The following FGD4 variants were observed in gnomAD, a reference collection of about 807,000 sequenced individuals.
FGD4 encodes the protein FYVE, RhoGEF and PH domain-containing protein 4.
In FGD4, 42 loss-of-function variants were observed where a neutral mutation model predicts 102.0. The observed-to-expected ratio is 0.41, with a 90% confidence interval of 0.32 to 0.53. The LOEUF (loss-of-function observed/expected upper bound fraction) is 0.53. Among genes scored for constraint, FGD4 ranks in the 20% least tolerant of loss-of-function variants. The probability of loss-of-function intolerance (pLI) is 0.21; values close to 1 mark genes in which losing one functional copy is unlikely to be tolerated. For missense variants in FGD4, 902 were observed against 1,078.2 expected, an observed-to-expected ratio of 0.84 and a Z score of 2.29; for synonymous variants, 380 against 375.7, an observed-to-expected ratio of 1.01 and a Z score of -0.13.
chr12:32,429,411 AG>A (rs1024346668), intron 1 of FGD4, among the ~76,000 whole-genome samples: 20 of 152,190 alleles, frequency 1.3e-4, no homozygotes, highest in African/African-American at 4.6e-4. Flanking sequence ...TTCGTCCCAG[AG>A]GGGCACCCTC....
At chr12:32,482,500 CA>C (rs1230342467) in intron 1 of FGD4, among the ~76,000 whole-genome samples, 1 of 152,190 alleles carries the variant, frequency 6.6e-6, no homozygotes, top group Non-Finnish European at 1.5e-5. Context: ...CTCATTTGTA[CA>C]GCGAATAAGC....
At chr12:32,619,993 A>T in intron 11 of FGD4, 123 bp downstream of exon 11, 1 of 1,163,160 alleles carries the variant, frequency 8.6e-7, no homozygotes, top group Non-Finnish European at 1.3e-6. Flanking sequence ...CTCTGGTTGG[A>T]TGTAAATGCA....
chr12:32,603,408 G>A (rs1442659627), intron 7 of FGD4, among the ~76,000 whole-genome samples: 4 of 151,342 alleles, frequency 2.6e-5, no homozygotes, highest in Non-Finnish European at 4.4e-5. Context: ...TTTTGGAGAC[G>A]GAGTCTCGCT....
chr12:32,586,428 C>T (rs1000283691), intron 4 of FGD4, among the ~76,000 whole-genome samples: 2 of 152,128 alleles, frequency 1.3e-5, no homozygotes, highest in Non-Finnish European at 2.9e-5. Flanking sequence ...CATACTTGAT[C>T]GCATAATGTA....
At chr12:32,491,232 T>G (rs1422360854) in intron 1 of FGD4, among the ~76,000 whole-genome samples, 1 of 151,830 alleles carries the variant, frequency 6.6e-6, no homozygotes, top group Non-Finnish European at 1.5e-5. Flanking sequence ...GCTTCCACCT[T>G]AAGGAAACAA....
intron 1 of FGD4, among the ~76,000 whole-genome samples, chr12:32,485,436 AT>A (rs372655892): frequency 0.06 from 6,841 of 113,968 alleles, 148 homozygotes; most frequent in Non-Finnish European, 0.085. Context: ...TTTAAGACCA[AT>A]TTTTTTTTTT....
At chr12:32,622,177 G>A (rs1476817082) in intron 11 of FGD4, among the ~76,000 whole-genome samples, 3 of 152,072 alleles carry the variant, frequency 2.0e-5, no homozygotes, top group Non-Finnish European at 4.4e-5. Context: ...GAGCCACTGC[G>A]TCCAGCCTCA....
intron 1 of FGD4, among the ~76,000 whole-genome samples, chr12:32,440,414 C>T (rs977181765): frequency 2.0e-4 from 31 of 152,336 alleles, no homozygotes; most frequent in African/African-American, 5.8e-4. Context: ...TATAATGCCA[C>T]CTTGACGATC....
intron 1 of FGD4, among the ~76,000 whole-genome samples, chr12:32,459,846 A>G (rs917439529): frequency 5.9e-5 from 9 of 151,962 alleles, no homozygotes; most frequent in African/African-American, 1.9e-4. Flanking sequence ...CTACAGGCAT[A>G]CGGCACTGCA....
intron 1 of FGD4, among the ~76,000 whole-genome samples, chr12:32,482,206 A>G (rs1211559923): frequency 5.9e-5 from 9 of 152,378 alleles, no homozygotes; most frequent in Admixed American, 3.3e-4. Flanking sequence ...AATAGGAATA[A>G]GGTGTTTTTC....
intron 1 of FGD4, among the ~76,000 whole-genome samples, chr12:32,519,398 C>T (rs1374941079): frequency 6.6e-6 from 1 of 152,182 alleles, no homozygotes. Context: ...AATTTTATCA[C>T]TACAATGGAT....
chr12:32,583,651 A>G (rs1448731745), intron 4 of FGD4, among the ~76,000 whole-genome samples: 1 of 152,244 alleles, frequency 6.6e-6, no homozygotes, highest in East Asian at 1.9e-4. Context: ...GTTTCTGCTC[A>G]TATGCACAAT....
At chr12:32,567,703 TGA>T (rs1555205539) in intron 2 of FGD4, among the ~76,000 whole-genome samples, 68 of 150,350 alleles carry the variant, frequency 4.5e-4, no homozygotes, top group African/African-American at 1.3e-3. Context: ...TTTTTTTTTT[TGA>T]GAGAGAGGGT....
intron 2 of FGD4, among the ~76,000 whole-genome samples, chr12:32,575,526 C>T (rs1377920608): frequency 6.6e-6 from 1 of 152,104 alleles, no homozygotes; most frequent in Non-Finnish European, 1.5e-5. Context: ...TGACTCAAAC[C>T]CCTCCTATAG....
intron 1 of FGD4, among the ~76,000 whole-genome samples, chr12:32,412,438 G>GT (rs1328547522): frequency 6.6e-6 from 1 of 152,162 alleles, no homozygotes; most frequent in Non-Finnish European, 1.5e-5. Context: ...TCAGGAGGCT[G>GT]TGTTTTGGGG....
chr12:32,421,459 A>AG (rs1223782868), intron 1 of FGD4, among the ~76,000 whole-genome samples: 1 of 152,116 alleles, frequency 6.6e-6, no homozygotes, highest in East Asian at 1.9e-4. Flanking sequence ...TTATTTCAAG[A>AG]GCATGCTGGT....
intron 4 of FGD4, among the ~76,000 whole-genome samples, chr12:32,591,903 C>T (rs1302679639): frequency 2.6e-5 from 4 of 152,106 alleles, no homozygotes; most frequent in African/African-American, 9.7e-5. Flanking sequence ...AAGTGCATTA[C>T]ACAGAAAGAG....
chr12:32,596,830 G>A (rs1220865311), intron 4 of FGD4, among the ~76,000 whole-genome samples: 7 of 151,988 alleles, frequency 4.6e-5, no homozygotes, highest in African/African-American at 1.4e-4. Context: ...AGCTACTCGG[G>A]AGACTGAGGC....
At chr12:32,504,104 G>C (rs181145244) in intron 1 of FGD4, among the ~76,000 whole-genome samples, 10 of 152,260 alleles carry the variant, frequency 6.6e-5, no homozygotes, top group Admixed American at 6.5e-4. Flanking sequence ...TTTGAGTATT[G>C]GCAGGCATGT....
Sources: allele counts gnomAD v4.1 joint callset (sites outside exome capture counted in the v4.1 genomes callset), GRCh38; gene constraint gnomAD v4.1.1; transcripts MANE v1.5; gene names NCBI Gene and HGNC (gene_info 2026-07-23, HGNC 2026-07-21).